The following SHC2 variants were observed in gnomAD, a reference collection of about 807,000 sequenced individuals.
SHC2 encodes the protein SHC-transforming protein 2.
In SHC2, 62 loss-of-function variants were observed where a neutral mutation model predicts 60.6. The observed-to-expected ratio is 1.02, with a 90% CI of 0.83 to 1.26. The LOEUF (loss-of-function observed/expected upper bound fraction) is 1.26, where lower values mean the gene tolerates loss of function less well. Among genes scored for constraint, SHC2 ranks in the 50% most tolerant of loss-of-function variants. The probability of loss-of-function intolerance (pLI) is 0.00; values close to 1 mark genes in which losing one functional copy is unlikely to be tolerated. For synonymous variants in SHC2, 375 were observed against 372.4 expected, an observed-to-expected ratio of 1.01 and a Z score of -0.08; for missense variants, 873 against 822.2, an observed-to-expected ratio of 1.06 and a Z score of -0.76.
At chr19:419,423 G>T (rs1395468478) in intron 11 of SHC2, 2 of 182,060 alleles carry the variant, frequency 1.1e-5, no homozygotes, top group Non-Finnish European at 2.3e-5. Flanking sequence ...GATGAGCCAG[G>T]GGGGCCCTAA....
At chr19:459,160 G>T (rs1175876215) in intron 1 of SHC2, among the ~76,000 whole-genome samples, 1 of 152,158 alleles carries the variant, frequency 6.6e-6, no homozygotes, top group Non-Finnish European at 1.5e-5. Flanking sequence ...CACAGGAATT[G>T]TAGGGGGACC....
chr19:451,122 T>C (rs1975179941), intron 1 of SHC2, among the ~76,000 whole-genome samples: 1 of 148,424 alleles, frequency 6.7e-6, no homozygotes, highest in Non-Finnish European at 1.5e-5. Flanking sequence ...AGCCACATCA[T>C]ATTTCAGTGT....
At chr19:449,177 A>T (rs971748057) in intron 1 of SHC2, among the ~76,000 whole-genome samples, 6 of 151,510 alleles carry the variant, frequency 4.0e-5, no homozygotes, top group African/African-American at 1.5e-4. Context: ...CTAAAAAATT[A>T]AAATAAATAA....
At chr19:430,647 C>A (rs771289912) in intron 9 of SHC2, 37 bp downstream of exon 9, 1 of 1,587,448 alleles carries the variant, frequency 6.3e-7, no homozygotes, top group Non-Finnish European at 8.6e-7. Context: ...GCCCCAGAAT[C>A]CTCGTGGGTA....
intron 7 of SHC2, 110 bp from the exon 8 acceptor site, chr19:434,975 C>G: frequency 5.1e-6 from 6 of 1,168,244 alleles, no homozygotes; most frequent in Non-Finnish European, 7.1e-6. Context: ...AATCCCAGCC[C>G]CCCACCTGTC....
intron 1 of SHC2, among the ~76,000 whole-genome samples, chr19:456,729 ACT>A (rs940903166): frequency 1.3e-5 from 2 of 150,206 alleles, no homozygotes; most frequent in Non-Finnish European, 3.0e-5. Flanking sequence ...CTGTCTGCAA[ACT>A]CCACCGCGTC....
At chr19:444,453 C>A (rs1051390425) in intron 1 of SHC2, among the ~76,000 whole-genome samples, 1 of 152,116 alleles carries the variant, frequency 6.6e-6, no homozygotes, top group Non-Finnish European at 1.5e-5. Context: ...GTAGCCCACT[C>A]CGGTTGTGCG....
chr19:443,666 GTGGATGAA>G (rs1402781448), intron 1 of SHC2, among the ~76,000 whole-genome samples: 8 of 139,798 alleles, frequency 5.7e-5, no homozygotes, highest in African/African-American at 2.2e-4. Flanking sequence ...GGACAGATGG[GTGGATGAA>G]TGGATGGATG....
rs374851783 is a variant in SHC2 at position 425,075 on chromosome 19, C to T, written c.1309+22G>A. 6.6e-6 allele frequency: 9 copies of T among 1,363,560 alleles called. No individual in the cohort carries two copies. The highest frequency in any genetic ancestry group is 2.9e-5 in the Admixed American group (1 of 34,248). The allele number at this position is 1,363,560 out of a possible 1,614,324, so 84.5% of individuals were successfully genotyped here. ...CAACACGGCCACACGCGATGACGGC[C>T]GCCCCCCAGGCTGCCACATACGCAT... On this transcript the variant is annotated intron_variant, in intron 10 of 12. Transcript: ENST00000264554. The surrounding 1 kb of genome is among the most constrained non-coding windows in gnomAD (Gnocchi z 4.1).
intron 1 of SHC2, among the ~76,000 whole-genome samples, chr19:455,867 C>G (rs1975330286): frequency 6.6e-6 from 1 of 152,114 alleles, no homozygotes; most frequent in Admixed American, 6.5e-5. Context: ...GACACCGGGC[C>G]CCCAAATCAT....
rs1048869254 is a variant in SHC2 at position 446,870 on chromosome 19, T to C, written c.469-5938A>G. On this transcript the variant is annotated intron_variant, in intron 1 of 12. Coordinates refer to ENST00000264554, the MANE Select transcript of SHC2 (RefSeq NM_012435.3). The surrounding 1 kb of genome is among the most constrained non-coding windows in gnomAD (Gnocchi z 5.4). ...CACGCACGCAGCAGGCCAGGGCAGATACAAGCCGAGGTCCCCATGTCTGCA... is the reference window on the plus strand; with the variant it reads ...CACGCACGCAGCAGGCCAGGGCAGACACAAGCCGAGGTCCCCATGTCTGCA... 5.3e-5 allele frequency among the ~76,000 whole-genome samples: 8 copies of C among 152,064 alleles called. No homozygotes were observed. Among genetic ancestry groups the C allele is most frequent in the African/African-American group, 1.9e-4 (8 of 41,418 alleles).
Position 430,871 on chromosome 19 carries a change from T to C in SHC2, c.1111-124A>G, listed in dbSNP as rs995946449. ...GACTTAGGGGTGGGGAGCACAGCCC[T>C]GGCCCTCCCATTGCTCTCTCACTCT... On this transcript the variant is annotated intron_variant, in intron 8 of 12. Coordinates refer to ENST00000264554, the MANE Select transcript of SHC2 (RefSeq NM_012435.3). The C allele has an allele frequency of 6.0e-5, 50 of 837,944 alleles. 1 individual carries two copies. In the African/African-American group the frequency reaches 7.3e-4, roughly 12 times the overall value. The allele number at this position is 837,944 out of a possible 1,614,324, so 51.9% of individuals were successfully genotyped here.
At chr19:442,520 T>C (rs1167146115) in intron 1 of SHC2, among the ~76,000 whole-genome samples, 3 of 64,204 alleles carry the variant, frequency 4.7e-5, no homozygotes, top group Non-Finnish European at 8.6e-5. Context: ...GATGGATGGA[T>C]GGGTGGGTGG....
chr19:456,817 C>T lies in SHC2; in HGVS notation c.468+3712G>A, dbSNP rs1039495499. 2.8e-4 allele frequency among the ~76,000 whole-genome samples: 38 copies of T among 133,972 alleles called. 1 individual carries two copies. Among genetic ancestry groups the T allele is most frequent in the African/African-American group, 1.1e-3 (37 of 33,416 alleles). The allele number at this position is 133,972 out of a possible 152,430, so 87.9% of individuals were successfully genotyped here. ...TCCCCACCACGTGGGGCCTTTGCAC[C>T]TGCTGTGCCCCTGCCTGGAACTCTG... On this transcript the variant is annotated intron_variant, in intron 1 of 12. Coordinates refer to ENST00000264554, the MANE Select transcript of SHC2 (RefSeq NM_012435.3).
chr19:455,886 A>G (rs1396137342), intron 1 of SHC2, among the ~76,000 whole-genome samples: 9 of 151,856 alleles, frequency 5.9e-5, no homozygotes, highest in African/African-American at 1.9e-4. Flanking sequence ...ATCCCATCTC[A>G]GGGTTGCTCA....
At position 424,291 on chromosome 19, in the gene SHC2, G is replaced by T. The variant is rs1049620190; in HGVS notation, c.1309+806C>A. Among the ~76,000 whole-genome samples, 1 of 152,192 alleles carries T rather than the reference G, an allele frequency of 6.6e-6. No homozygotes were observed. The highest frequency in any genetic ancestry group is 1.5e-5 in the Non-Finnish European group (1 of 68,028). ...CGGGGAAGGAAGGAACGGGCTCACC[G>T]TCAGACTAGCCACTTTGTCCAGAGG... On this transcript the variant is annotated intron_variant, in intron 10 of 12. Transcript: ENST00000264554. The surrounding 1 kb of genome is among the most constrained non-coding windows in gnomAD (Gnocchi z 4.5).
rs768564991 is a variant in SHC2, at chr19:425,203, C to T, written c.1203G>A (p.Ala401=). The T allele has an allele frequency of 8.2e-6, 11 of 1,340,580 alleles. No homozygotes were observed. Among genetic ancestry groups the T allele is most frequent in the Admixed American group, 3.0e-5 (1 of 33,238 alleles). 83.0% of individuals were successfully genotyped at this position (1,340,580 alleles called of 1,614,324 possible). A position where few individuals can be genotyped will look rare whatever the true frequency, so the allele number is the denominator to read the frequency against. Residue 401 remains alanine (A), a synonymous_variant, in exon 10 of 13, where the codon GCG becomes GCA. Coordinates refer to ENST00000264554, the MANE Select transcript of SHC2 (RefSeq NM_012435.3). This position sits in a 1 kb window ranked among gnomAD's most constrained non-coding sequence, Gnocchi z 4.1. ...CGTGGTCCGGGGGGCCCCGGGCGTC[C>T]GCCTGCACGTAGCCGTCCCCCGGTG... ...TAPPGDGYVQ[A]DARGPPDHEE...
intron 9 of SHC2, among the ~76,000 whole-genome samples, chr19:427,559 G>T (rs576664412): frequency 1.2e-3 from 175 of 147,436 alleles, no homozygotes; most frequent in Non-Finnish European, 2.0e-3. Flanking sequence ...CAGGGAAGGG[G>T]AATTGCGCAC....
chr19:417,906 G>A (rs1974189295), intron 12 of SHC2, among the ~76,000 whole-genome samples: 1 of 152,134 alleles, frequency 6.6e-6, no homozygotes, highest in Non-Finnish European at 1.5e-5. Context: ...ATGGGGACAG[G>A]AGAGCGGCCT....
Sources: gnomAD v4.1 joint callset for allele counts (sites outside exome capture counted in the v4.1 genomes callset) on GRCh38, gnomAD v4.1.1 for gene constraint, Gnocchi (gnomAD v3.1) non-coding constraint, MANE v1.5 for transcripts, NCBI Gene and HGNC (gene_info 2026-07-23, HGNC 2026-07-21) for gene names.